PARD3: variants seen among roughly 807,000 people sequenced by gnomAD.
The protein encoded by PARD3 is partitioning defective 3 homolog.
In PARD3, 75 loss-of-function variants were observed where a neutral mutation model predicts 155.4. The ratio of observed to expected loss-of-function variants is 0.48; its 90% CI spans 0.40 to 0.58. The LOEUF (loss-of-function observed/expected upper bound fraction) is 0.58. Among genes scored for constraint, PARD3 ranks in the 20% least tolerant of loss-of-function variants. The pLI, the probability that PARD3 is intolerant of heterozygous loss-of-function variation, is 0.00. For synonymous variants in PARD3, 576 were observed against 610.5 expected, an observed-to-expected ratio of 0.94 and a Z score of 0.83; for missense variants, 1,642 against 1,721.7, an observed-to-expected ratio of 0.95 and a Z score of 0.82.
chr10:34,120,682 C>T (rs1000222665), intron 23 of PARD3, among the ~76,000 whole-genome samples: 1 of 152,076 alleles, frequency 6.6e-6, no homozygotes, highest in African/African-American at 2.4e-5. Context: ...AACAGAAATG[C>T]CTATCAAAAG....
chr10:34,735,152 TAA>T lies in PARD3; in HGVS notation c.121-38735_121-38734del, dbSNP rs1306740313. On this transcript the variant is annotated intron_variant, in intron 1 of 24. Coordinates refer to ENST00000374788, the MANE Select transcript of PARD3 (RefSeq NM_001184785.2). Reference sequence around the variant, plus strand: ...GTATATCCAAACGGACAACAGAAAATAATAAGTAGATAACCTAGTATTCACGA... The same window carrying T: ...GTATATCCAAACGGACAACAGAAAATTAAGTAGATAACCTAGTATTCACGA... 4.6e-5 allele frequency among the ~76,000 whole-genome samples: 7 copies of T among 152,220 alleles called. No individual in the cohort carries two copies. The East Asian group carries it at 9.6e-4, about 21-fold the overall frequency.
rs773731643 is a variant in PARD3, at chr10:34,374,866, T to G, written c.1668+8A>C. The G allele has an allele frequency of 1.2e-6, 2 of 1,613,108 alleles. No individual in the cohort carries two copies. The highest frequency in any genetic ancestry group is 2.2e-5 in the South Asian group (2 of 90,956). The stretch of plus-strand genomic sequence containing the variant: ...CAGAAATCTTTCATCTACTCTAAAT[T>G]TACACACCAGTTCCCTTGGGTGGAA... On this transcript the variant is annotated splice_region_variant and intron_variant, in intron 11 of 24. Coordinates refer to ENST00000374788, the MANE Select transcript of PARD3 (RefSeq NM_001184785.2).
At chr10:34,184,196 C>T (rs1433380800) in intron 22 of PARD3, among the ~76,000 whole-genome samples, 1 of 152,174 alleles carries the variant, frequency 6.6e-6, no homozygotes, top group African/African-American at 2.4e-5. Flanking sequence ...ATAAGCAGAG[C>T]TTTGAAAATG....
At chr10:34,732,187 C>T (rs574901540) in intron 1 of PARD3, among the ~76,000 whole-genome samples, 2 of 152,106 alleles carry the variant, frequency 1.3e-5, no homozygotes, top group Non-Finnish European at 2.9e-5. Context: ...AAAAAAGAAA[C>T]GCAATCTTCT....
At chr10:34,403,847 G>A (rs568634516) in intron 5 of PARD3, among the ~76,000 whole-genome samples, 7 of 152,268 alleles carry the variant, frequency 4.6e-5, no homozygotes, top group African/African-American at 1.2e-4. Flanking sequence ...GAGCAAATGT[G>A]ATTTGTTTAT....
At position 34,317,192 on chromosome 10, in the gene PARD3, T is replaced by G; in HGVS notation, c.2980A>C (p.Lys994Gln). 3 of 1,613,102 alleles carry G rather than the reference T, an allele frequency of 1.9e-6. No individual in the cohort carries two copies. Among genetic ancestry groups the G allele is most frequent in the Non-Finnish European group, 2.5e-6 (3 of 1,179,588 alleles). The change falls in exon 20 of 25, where the codon AAA becomes CAA. Residue 994 changes from lysine (K) to glutamine (Q), a missense_variant. By Grantham distance (53) the Lys-to-Gln change is moderately conservative. Around this residue, in one of 3 missense-constraint regions of PARD3, gnomAD observed 1,529 missense variants for 1,587.3 expected, o/e 0.96. Coordinates refer to ENST00000374788, the MANE Select transcript of PARD3 (RefSeq NM_001184785.2). ...TTATCTCTATCTTTCTTCTTTTCTT[T>G]TCCAGTTTTATCCTTTTTTCTATCA... is the stretch of plus-strand genomic sequence containing the variant. The part of the protein sequence containing the change: ...KTDRKKDKTG[K>Q]EKKKDRDKEK...
At chr10:34,310,135 C>T (rs2134081409) in intron 20 of PARD3, among the ~76,000 whole-genome samples, 1 of 152,210 alleles carries the variant, frequency 6.6e-6, no homozygotes, top group African/African-American at 2.4e-5. Context: ...GATACAAGTA[C>T]ATTTAGGAGT....
At chr10:34,712,730 A>G (rs920822269) in intron 1 of PARD3, among the ~76,000 whole-genome samples, 1 of 152,042 alleles carries the variant, frequency 6.6e-6, no homozygotes, top group African/African-American at 2.4e-5. Flanking sequence ...GGGGGTACAC[A>G]TGGACATAAA....
At chr10:34,371,777 A>G (rs1840694090) in intron 12 of PARD3, among the ~76,000 whole-genome samples, 1 of 152,048 alleles carries the variant, frequency 6.6e-6, no homozygotes, top group African/African-American at 2.4e-5. Flanking sequence ...TGTAAAAAGG[A>G]AAAAAGATCC....
chr10:34,360,154 C>T lies in PARD3; in HGVS notation c.1813G>A (p.Val605Ile), dbSNP rs764702612. The T allele has an allele frequency of 5.6e-6, 9 of 1,614,032 alleles. No homozygotes were observed. Among genetic ancestry groups the T allele is most frequent in the African/African-American group, 1.3e-5 (1 of 75,042 alleles). ...DSGSAGLGVS[V>I]KGNRSKENHA... Reference sequence around the variant, plus strand: ...TTCTCTTTTGACCGGTTACCTTTGACACTGACACCAAGGCCTGCAGATCCT... The same window carrying T: ...TTCTCTTTTGACCGGTTACCTTTGATACTGACACCAAGGCCTGCAGATCCT... Residue 605 changes from valine (V) to isoleucine (I), a missense_variant, in exon 13 of 25, where the codon GTC (valine) becomes ATC (isoleucine). Physicochemically the swap from Val to Ile is conservative, Grantham distance 29. Coordinates refer to ENST00000374788, the MANE Select transcript of PARD3 (RefSeq NM_001184785.2).
chr10:34,573,744 C>T (rs1265393732), intron 2 of PARD3, among the ~76,000 whole-genome samples: 7 of 83,216 alleles, frequency 8.4e-5, no homozygotes, highest in Non-Finnish European at 1.5e-4. Flanking sequence ...AAAACACACA[C>T]ACACACACAC....
intron 2 of PARD3, among the ~76,000 whole-genome samples, chr10:34,519,639 C>A (rs1004418775): frequency 4.0e-5 from 6 of 151,888 alleles, no homozygotes; most frequent in Non-Finnish European, 7.4e-5. Context: ...CATGATGAAA[C>A]CCATCTCTAC....
chr10:34,352,564 C>T lies in PARD3; in HGVS notation c.2068-4449G>A, dbSNP rs151311719. Among the ~76,000 whole-genome samples the T allele has an allele frequency of 9.1e-3, 1,379 of 152,362 alleles. 20 individuals carry two copies. The highest frequency in any genetic ancestry group is 0.031 in the African/African-American group (1,310 of 41,594). ...GTTTCGCCATGTTGGCGGGGCTGGT[C>T]TCCAGCTCCTGACCGCGAGTGATCT... On this transcript the variant is annotated intron_variant, in intron 14 of 24. Coordinates refer to ENST00000374788, the MANE Select transcript of PARD3 (RefSeq NM_001184785.2).
In PARD3 at chr10:34,375,053, AACACACAC is replaced by A. The variant is rs35263377; in HGVS notation, c.1540-59_1540-52del. On this transcript the variant is annotated intron_variant, in intron 10 of 24. Coordinates refer to ENST00000374788, the MANE Select transcript of PARD3 (RefSeq NM_001184785.2). ...TGTAATCCTGTGGAAACAACAGGAA[AACACACAC>A]ACACACACACACACACACACACACA... 5,469 of 782,996 alleles carry A rather than the reference AACACACAC, an allele frequency of 7.0e-3. 109 individuals carry two copies. In the African/African-American group the frequency reaches 0.075, roughly 11 times the overall value. 48.5% of individuals were successfully genotyped at this position (782,996 alleles called of 1,614,324 possible).
chr10:34,494,951 C>G (rs571539550), intron 3 of PARD3, among the ~76,000 whole-genome samples: 1 of 152,178 alleles, frequency 6.6e-6, no homozygotes, highest in African/African-American at 2.4e-5. Flanking sequence ...CAGGGAAGAC[C>G]AAGCTCATGC....
chr10:34,684,778 T>TACACACACACAC (rs3087285), intron 2 of PARD3, among the ~76,000 whole-genome samples: 1 of 119,036 alleles, frequency 8.4e-6, no homozygotes, highest in Admixed American at 9.3e-5. Context: ...TGATGATACA[T>TACACACACACAC]ACACACACAC....
chr10:34,468,916 A>T (rs2078174246), intron 4 of PARD3, among the ~76,000 whole-genome samples: 1 of 152,234 alleles, frequency 6.6e-6, no homozygotes, highest in African/African-American at 2.4e-5. Flanking sequence ...GATTAGTATT[A>T]TTTTGACATT....
At chr10:34,185,457 ATAT>A in intron 22 of PARD3, among the ~76,000 whole-genome samples, 1 of 152,352 alleles carries the variant, frequency 6.6e-6, no homozygotes, top group South Asian at 2.1e-4. Flanking sequence ...GTCTTCATGT[ATAT>A]TAAAAACAGA....
At chr10:34,700,460 T>C (rs963378683) in intron 1 of PARD3, among the ~76,000 whole-genome samples, 3 of 152,254 alleles carry the variant, frequency 2.0e-5, no homozygotes, top group Non-Finnish European at 2.9e-5. Flanking sequence ...ATTACCCACA[T>C]GTGCAAATTT....
Sources: allele counts gnomAD v4.1 joint callset (sites outside exome capture counted in the v4.1 genomes callset), GRCh38; gene constraint gnomAD v4.1.1; regional missense constraint gnomAD v4.1.1; transcripts MANE v1.5; gene names NCBI Gene and HGNC (gene_info 2026-07-23, HGNC 2026-07-21).